XRCC1: variants seen among roughly 807,000 people sequenced by gnomAD.
XRCC1 encodes DNA repair protein XRCC1.
A neutral mutation model predicts 83.3 loss-of-function variants in XRCC1; 52 were observed. The ratio of observed to expected loss-of-function variants is 0.62; its 90% CI spans 0.50 to 0.79. XRCC1 has a LOEUF of 0.79. Among genes scored for constraint, XRCC1 ranks in the 30% least tolerant of loss-of-function variants. XRCC1 has a pLI of 0.00. For synonymous variants in XRCC1, 281 were observed against 312.6 expected (o/e 0.90, Z 1.07); for missense variants, 793 against 823.5 (o/e 0.96, Z 0.45).
intron 3 of XRCC1, among the ~76,000 whole-genome samples, chr19:43,557,636 C>CA (rs1972651356): frequency 1.3e-5 from 2 of 150,410 alleles, no homozygotes; most frequent in Non-Finnish European, 3.0e-5. Flanking sequence ...CTACTAAATA[C>CA]AAAAAAAATA....
intron 4 of XRCC1, 59 bp downstream of exon 4, chr19:43,554,587 C>G (rs1972615666): frequency 2.6e-6 from 4 of 1,544,598 alleles, no homozygotes; most frequent in Non-Finnish European, 2.6e-6. Flanking sequence ...AATATTGGCC[C>G]TTATTTCCCT....
At chr19:43,551,121 C>T in intron 10 of XRCC1, among the ~76,000 whole-genome samples, 1 of 152,200 alleles carries the variant, frequency 6.6e-6, no homozygotes, top group East Asian at 1.9e-4. Flanking sequence ...GCGTGCGCCA[C>T]CAAGCCCAGC....
intron 2 of XRCC1, among the ~76,000 whole-genome samples, chr19:43,566,699 C>A (rs1318681921): frequency 6.7e-6 from 1 of 148,990 alleles, no homozygotes; most frequent in African/African-American, 2.5e-5. Context: ...GGCAACACGG[C>A]GAAACCCCGT....
Position 43,553,682 on chromosome 19 carries a change from T to C in XRCC1, c.416A>G (p.Asp139Gly). Residue 139 changes from aspartate (D) to glycine (G), a missense_variant and splice_region_variant, in exon 5 of 17, where the codon GAC becomes GGC. By Grantham distance (94) the Asp-to-Gly change is moderately conservative. Transcript: ENST00000262887. ...TACAAAACTCAAGCCAAAGGGGGAGTCCTGGGAAAGGAGGGGTGGGAGTCA... is the reference window on the plus strand; with the variant it reads ...TACAAAACTCAAGCCAAAGGGGGAGCCCTGGGAAAGGAGGGGTGGGAGTCA... ...KIVCSQPYSKDSPFGLSFVRF... is the reference protein window; with the variant it reads ...KIVCSQPYSKGSPFGLSFVRF... The C allele has an allele frequency of 6.6e-7, 1 of 1,517,166 alleles. No individual in the cohort carries two copies. Among genetic ancestry groups the C allele is most frequent in the South Asian group, 1.3e-5 (1 of 76,868 alleles). 94.0% of individuals were successfully genotyped at this position (1,517,166 alleles called of 1,614,324 possible). A position where few individuals can be genotyped will look rare whatever the true frequency, so the allele number is the denominator to read the frequency against.
At chr19:43,556,291 A>G (rs1342972747) in intron 3 of XRCC1, among the ~76,000 whole-genome samples, 2 of 152,198 alleles carry the variant, frequency 1.3e-5, no homozygotes, top group African/African-American at 2.4e-5. Flanking sequence ...TCCTCACCAC[A>G]CTGCATAGAA....
intron 2 of XRCC1, among the ~76,000 whole-genome samples, chr19:43,572,171 T>C (rs1285562349): frequency 6.6e-6 from 1 of 152,176 alleles, no homozygotes; most frequent in Non-Finnish European, 1.5e-5. Flanking sequence ...CTCCAGTCAC[T>C]CTGTTTCCAC....
intron 10 of XRCC1, among the ~76,000 whole-genome samples, chr19:43,548,938 C>T (rs919246310): frequency 6.6e-6 from 1 of 152,026 alleles, no homozygotes; most frequent in Non-Finnish European, 1.5e-5. Context: ...ATTTAATCTG[C>T]CCTAAGCCAC....
In XRCC1 at chr19:43,546,054, C is replaced by G. The variant is rs762633450; in HGVS notation, c.1479G>C (p.Arg493Ser). Residue 493 changes from arginine (R) to serine (S), a missense_variant and splice_region_variant, in exon 13 of 17, where the codon AGG (arginine) becomes AGC (serine). Arg to Ser is a moderately radical substitution (Grantham distance 110). Transcript: ENST00000262887. Reference protein sequence around the residue: ...EDSGDTEDELRRVAEQKEHRL... With the variant: ...EDSGDTEDELSRVAEQKEHRL... ...CCAACCCCCAGCCCCAGCCCTACCTCCTCAGCTCATCCTCTGTGTCCCCAG... is the reference window on the plus strand; with the variant it reads ...CCAACCCCCAGCCCCAGCCCTACCTGCTCAGCTCATCCTCTGTGTCCCCAG... The G allele has an allele frequency of 2.5e-6, 4 of 1,612,422 alleles. No individual in the cohort carries two copies. In the African/African-American group the frequency reaches 5.4e-5, roughly 22 times the overall value.
chr19:43,543,359 T>C lies in XRCC1; in HGVS notation c.*33A>G, dbSNP rs1288021231. ...AATGCATCGTGTGTGTGTGTGTGTG[T>C]GTGTGTGTGTGTGTGTGTGTATAGC... is the stretch of plus-strand genomic sequence containing the variant. On this transcript the variant is annotated 3_prime_UTR_variant, in exon 17 of 17. Transcript: ENST00000262887. 1 of 1,366,502 alleles carries C rather than the reference T, an allele frequency of 7.3e-7. No homozygotes were observed. The highest frequency in any genetic ancestry group is 1.0e-6 in the Non-Finnish European group (1 of 967,646). 84.6% of individuals were successfully genotyped at this position (1,366,502 alleles called of 1,614,324 possible). A position where few individuals can be genotyped will look rare whatever the true frequency, so the allele number is the denominator to read the frequency against.
intron 10 of XRCC1, among the ~76,000 whole-genome samples, chr19:43,549,995 G>C (rs1004293734): frequency 2.0e-5 from 3 of 151,846 alleles, no homozygotes; most frequent in Admixed American, 6.6e-5. Flanking sequence ...TTCTGTTCCT[G>C]AGGCCCCAGC....
chr19:43,565,946 AAAC>A (rs1568517775), intron 2 of XRCC1, among the ~76,000 whole-genome samples: 2 of 151,934 alleles, frequency 1.3e-5, no homozygotes, highest in African/African-American at 2.4e-5. Context: ...TCAAGAGAGA[AAAC>A]AACAGGCTGG....
At chr19:43,567,522 G>T (rs1017667297) in intron 2 of XRCC1, among the ~76,000 whole-genome samples, 3 of 152,184 alleles carry the variant, frequency 2.0e-5, no homozygotes, top group Admixed American at 2.0e-4. Context: ...ATGTTGGCCA[G>T]CCTAGTCTCG....
Position 43,543,364 on chromosome 19 carries a change from G to GTGTT in XRCC1, c.*27_*28insAACA, listed in dbSNP as rs755650042. 7,150 of 1,405,146 alleles carry GTGTT rather than the reference G, an allele frequency of 5.1e-3. 51 individuals carry two copies. The highest frequency in any genetic ancestry group is 0.036 in the Middle Eastern group (190 of 5,302). The allele number at this position is 1,405,146 out of a possible 1,614,324, so 87.0% of individuals were successfully genotyped here. A position where few individuals can be genotyped will look rare whatever the true frequency, so the allele number is the denominator to read the frequency against. On this transcript the variant is annotated 3_prime_UTR_variant, in exon 17 of 17. Coordinates refer to ENST00000262887, the MANE Select transcript of XRCC1 (RefSeq NM_006297.3). The stretch of plus-strand genomic sequence containing the variant: ...ATCGTGTGTGTGTGTGTGTGTGTGT[G>GTGTT]TGTGTGTGTGTGTGTATAGCACATA...
rs775174909 is a variant in XRCC1, at chr19:43,546,720, T to C, written c.1301A>G (p.Gln434Arg). 1.2e-6 allele frequency: 2 copies of C among 1,608,458 alleles called. No homozygotes were observed. Among genetic ancestry groups the C allele is most frequent in the South Asian group, 1.1e-5 (1 of 90,680 alleles). The change falls in exon 12 of 17, where the codon CAG (glutamine) becomes CGG (arginine). Residue 434 changes from glutamine to arginine, a missense_variant. Physicochemically the swap from Gln to Arg is conservative, Grantham distance 43 (BLOSUM62 1). Transcript: ENST00000262887. ...EAPKLPQKQP[Q>R]TKTKPTQAAG... ...TGCCTGAGTGGGCTTGGTTTTGGTC[T>C]GGGGTTGCTAAGGAGGGAGAGTGGG...
At chr19:43,547,503 C>T (rs1600043156) in intron 10 of XRCC1, among the ~76,000 whole-genome samples, 1 of 138,118 alleles carries the variant, frequency 7.2e-6, no homozygotes, top group Admixed American at 7.4e-5. Context: ...TTTTTTTAGA[C>T]AAGATCTCAC....
rs199589749 is a variant in XRCC1, at chr19:43,560,963, C to T, written c.202G>A (p.Val68Met). 1.0e-4 allele frequency: 169 copies of T among 1,614,230 alleles called. No individual in the cohort carries two copies. In the East Asian group the frequency reaches 2.9e-3, roughly 28 times the overall value. The change falls in exon 3 of 17, where the codon GTG (valine) becomes ATG (methionine). Residue 68 changes from valine (V) to methionine (M), a missense_variant. Val to Met is a conservative substitution (Grantham distance 21, BLOSUM62 1). Transcript: ENST00000262887. ...VDIGNDGSAF[V>M]EVLVGSSAGG... Reference sequence around the variant, plus strand: ...GCTGAACTGCCCACCAGCACCTCCACGAAAGCTGAGCCATCATTCCCAATG... The same window carrying T: ...GCTGAACTGCCCACCAGCACCTCCATGAAAGCTGAGCCATCATTCCCAATG...
At chr19:43,547,518 T>C (rs1242595251) in intron 10 of XRCC1, among the ~76,000 whole-genome samples, 1 of 146,944 alleles carries the variant, frequency 6.8e-6, no homozygotes, top group African/African-American at 2.5e-5. Flanking sequence ...TCTCACTCTG[T>C]CACCCAGGAT....
chr19:43,575,477 G>T lies in XRCC1; in HGVS notation c.-19C>A, dbSNP rs1169596252. The T allele has an allele frequency of 6.2e-7, 1 of 1,611,412 alleles. No homozygotes were observed. Among genetic ancestry groups the T allele is most frequent in the Non-Finnish European group, 8.5e-7 (1 of 1,178,260 alleles). ...CCGGCATGTCAACGTCGTGGGCTTC[G>T]CCTGGCCAGAAGGATGAGGTAGAGT... On this transcript the variant is annotated 5_prime_UTR_variant, in exon 1 of 17. Coordinates refer to ENST00000262887, the MANE Select transcript of XRCC1 (RefSeq NM_006297.3).
chr19:43,558,813 A>G lies in XRCC1; in HGVS notation c.255+2097T>C, dbSNP rs566494925. Among the ~76,000 whole-genome samples, 237 of 152,152 alleles carry G rather than the reference A, an allele frequency of 1.6e-3. 1 individual carries two copies. Among genetic ancestry groups the G allele is most frequent in the African/African-American group, 3.4e-3 (143 of 41,486 alleles). On this transcript the variant is annotated intron_variant, in intron 3 of 16. Coordinates refer to ENST00000262887, the MANE Select transcript of XRCC1 (RefSeq NM_006297.3). Reference sequence around the variant, plus strand: ...CTCAACAAGGAGTCAAAATGATTCAATGAGAAAAGGCAAGTCTTTTTTTTT... The same window carrying G: ...CTCAACAAGGAGTCAAAATGATTCAGTGAGAAAAGGCAAGTCTTTTTTTTT...
Sources: gnomAD v4.1 joint callset for allele counts (sites outside exome capture counted in the v4.1 genomes callset) on GRCh38, gnomAD v4.1.1 for gene constraint, MANE v1.5 for transcripts, NCBI Gene and HGNC (gene_info 2026-07-23, HGNC 2026-07-21) for gene names.